SAMD5: variants seen among roughly 807,000 people sequenced by gnomAD.
SAMD5 encodes sterile alpha motif domain containing 5.
SAMD5 carries 13 observed loss-of-function variants against 11.3 expected under a neutral mutation model. The observed-to-expected ratio is 1.15, with a 90% CI of 0.75 to 1.83. The LOEUF is 1.83. Among genes scored for constraint, SAMD5 ranks in the 40% most tolerant of loss-of-function variants. The pLI is 0.00. For synonymous variants in SAMD5, 129 were observed against 111.3 expected (o/e 1.16, Z -1.00); for missense variants, 255 against 239.1 (o/e 1.07, Z -0.44).
At chr6:147,844,352 G>A in the SAMD5 span, among the ~76,000 whole-genome samples, 452 of 152,272 alleles carry the variant, frequency 3.0e-3, 4 homozygotes, top group African/African-American at 0.01. Flanking sequence ...AAATGTTGTG[G>A]AGGATGTGGA....
intron 1 of SAMD5, among the ~76,000 whole-genome samples, chr6:147,530,954 G>C (rs2128441092): frequency 6.6e-6 from 1 of 152,276 alleles, no homozygotes; most frequent in South Asian, 2.1e-4. Flanking sequence ...CTTTCATTTA[G>C]AATTAGCCTT....
At chr6:147,933,835 G>A in the SAMD5 span, among the ~76,000 whole-genome samples, 740 of 152,274 alleles carry the variant, frequency 4.9e-3, 1 homozygote, top group African/African-American at 0.017. Flanking sequence ...ATATCCTGAG[G>A]AAGAGAAATG....
At chr6:147,723,176 A>G (rs1025597974) in intron 1 of SAMD5, among the ~76,000 whole-genome samples, 1 of 152,134 alleles carries the variant, frequency 6.6e-6, no homozygotes, top group Non-Finnish European at 1.5e-5. Flanking sequence ...TGGTCCTGTG[A>G]GCCTGGACCT....
rs143356231 is a variant in SAMD5 at position 147,522,567 on chromosome 6, A to G, written c.459+13180A>G. Among the ~76,000 whole-genome samples, 8 of 152,356 alleles carry G rather than the reference A, an allele frequency of 5.3e-5. No homozygotes were observed. In the East Asian group the frequency reaches 1.5e-3, roughly 29 times the overall value. ...TGAGAAGAAGTAAAAAAATGAAACT[A>G]TAGCTTTTAAAGAAAGCAGAGTGTG... On this transcript the variant is annotated intron_variant, in intron 1 of 1. Coordinates refer to ENST00000367474, the MANE Select transcript of SAMD5 (RefSeq NM_001030060.3).
At chr6:147,761,662 A>G in the SAMD5 span, among the ~76,000 whole-genome samples, 1 of 152,214 alleles carries the variant, frequency 6.6e-6, no homozygotes, top group Non-Finnish European at 1.5e-5. Flanking sequence ...TCAGATCAAT[A>G]ATGGGTTAAA....
the SAMD5 span, among the ~76,000 whole-genome samples, chr6:147,886,256 G>A: frequency 6.6e-6 from 1 of 152,052 alleles, no homozygotes; most frequent in Non-Finnish European, 1.5e-5. Context: ...CGATGTAATT[G>A]AATACCACAT....
chr6:147,911,849 G>C, the SAMD5 span, among the ~76,000 whole-genome samples: 2 of 152,248 alleles, frequency 1.3e-5, no homozygotes, highest in East Asian at 3.9e-4. Context: ...GCTCTCAGCT[G>C]TTGGGTTGGT....
At chr6:147,755,967 A>G in the SAMD5 span, among the ~76,000 whole-genome samples, 1 of 152,146 alleles carries the variant, frequency 6.6e-6, no homozygotes, top group South Asian at 2.1e-4. Flanking sequence ...TAAACTTATA[A>G]CAAGGCCATT....
chr6:147,511,627 CAA>C (rs35910441), intron 1 of SAMD5, among the ~76,000 whole-genome samples: 48 of 136,616 alleles, frequency 3.5e-4, no homozygotes, highest in Middle Eastern at 7.7e-3. Context: ...AGTTGGGGAC[CAA>C]AAAAAAAAAA....
chr6:147,769,133 C>CTCACTGA, the SAMD5 span, among the ~76,000 whole-genome samples: 1 of 152,198 alleles, frequency 6.6e-6, no homozygotes, highest in Non-Finnish European at 1.5e-5. Context: ...TGTTAACCTG[C>CTCACTGA]CTCACTGACT....
intron 1 of SAMD5, among the ~76,000 whole-genome samples, chr6:147,516,121 C>T (rs1262753802): frequency 6.6e-6 from 1 of 152,164 alleles, no homozygotes; most frequent in Non-Finnish European, 1.5e-5. Flanking sequence ...AAATTAGTTA[C>T]TGTGAAATAT....
the SAMD5 span, among the ~76,000 whole-genome samples, chr6:147,903,744 C>T: frequency 6.6e-6 from 1 of 151,994 alleles, no homozygotes; most frequent in Non-Finnish European, 1.5e-5. Flanking sequence ...CCCGTCTCTA[C>T]TAAAAATATA....
chr6:147,571,710 A>T (rs537932864), downstream of SAMD5, among the ~76,000 whole-genome samples: 1 of 152,210 alleles, frequency 6.6e-6, no homozygotes, highest in African/African-American at 2.4e-5. Flanking sequence ...ATTTAACTTC[A>T]ACTTCATTTT....
At chr6:147,650,263 C>T (rs1337496495) in intron 1 of SAMD5, among the ~76,000 whole-genome samples, 2 of 152,170 alleles carry the variant, frequency 1.3e-5, no homozygotes, top group African/African-American at 4.8e-5. Flanking sequence ...TGGTGAAGGA[C>T]ACCTGTCATA....
chr6:147,712,106 T>C (rs1791408918), intron 1 of SAMD5, among the ~76,000 whole-genome samples: 1 of 152,220 alleles, frequency 6.6e-6, no homozygotes, highest in Non-Finnish European at 1.5e-5. Flanking sequence ...AAATGCATAA[T>C]ATTTTGTGGC....
chr6:147,938,781 G>A, the SAMD5 span, among the ~76,000 whole-genome samples: 1 of 152,186 alleles, frequency 6.6e-6, no homozygotes. Context: ...CAGTGGAGGA[G>A]GAGTGGTCGA....
At chr6:147,669,013 A>G (rs1343935652) in intron 1 of SAMD5, among the ~76,000 whole-genome samples, 3 of 152,118 alleles carry the variant, frequency 2.0e-5, no homozygotes, top group Non-Finnish European at 4.4e-5. Flanking sequence ...GTCTTGCCCG[A>G]TCTTGGTGGC....
At chr6:147,754,393 T>C in the SAMD5 span, among the ~76,000 whole-genome samples, 2,414 of 145,526 alleles carry the variant, frequency 0.017, 70 homozygotes, top group African/African-American at 0.056. Context: ...CTTTTACCCA[T>C]TTTTGGATCA....
chr6:147,539,189 A>G (rs1396215645), intron 1 of SAMD5, among the ~76,000 whole-genome samples: 1 of 152,078 alleles, frequency 6.6e-6, no homozygotes, highest in Non-Finnish European at 1.5e-5. Flanking sequence ...GAGGGAAATA[A>G]CTCCAGGAGA....
Sources: gnomAD v4.1 joint callset for allele counts (sites outside exome capture counted in the v4.1 genomes callset) on GRCh38, gnomAD v4.1.1 for gene constraint, MANE v1.5 for transcripts, NCBI Gene and HGNC (gene_info 2026-07-23, HGNC 2026-07-21) for gene names.